OCA2: variants seen among roughly 807,000 people sequenced by gnomAD.
The protein encoded by OCA2 is OCA2 melanosomal transmembrane protein.
OCA2 carries 77 observed loss-of-function variants against 100.2 expected under a neutral mutation model. The observed-to-expected ratio is 0.77, with a 90% confidence interval of 0.64 to 0.93. The LOEUF (loss-of-function observed/expected upper bound fraction) is 0.93, where lower values mean the gene tolerates loss of function less well. OCA2 is among the 40% of genes least tolerant of loss of function. OCA2 has a pLI of 0.00. For missense variants in OCA2, 1,062 were observed against 1,089.1 expected (o/e 0.98, Z 0.35); for synonymous variants, 432 against 439.2 (o/e 0.98, Z 0.21).
intron 19 of OCA2, among the ~76,000 whole-genome samples, chr15:27,919,854 T>C (rs1265837230): frequency 2.0e-5 from 3 of 152,108 alleles, no homozygotes; most frequent in South Asian, 2.1e-4. Flanking sequence ...AAGTTGATAA[T>C]GGGGGAAGCT....
At chr15:27,976,625 A>G (rs1440639485) in intron 14 of OCA2, among the ~76,000 whole-genome samples, 1 of 152,152 alleles carries the variant, frequency 6.6e-6, no homozygotes, top group African/African-American at 2.4e-5. Context: ...TGTATTACCT[A>G]TTTAGATATT....
chr15:28,038,876 T>A lies in OCA2; in HGVS notation c.228-6713A>T, dbSNP rs139471385. 6.6e-4 allele frequency among the ~76,000 whole-genome samples: 100 copies of A among 152,288 alleles called. 1 individual carries two copies. In the East Asian group the frequency reaches 0.015, roughly 23 times the overall value. The stretch of plus-strand genomic sequence containing the variant: ...AATCAAAAGGCAAAGAGTGGCAGAA[T>A]GGATTTTAAAACACACACACATACA... On this transcript the variant is annotated intron_variant, in intron 2 of 23. Transcript: ENST00000354638.
chr15:27,872,539 C>A (rs1300008787), intron 19 of OCA2, among the ~76,000 whole-genome samples: 1 of 152,198 alleles, frequency 6.6e-6, no homozygotes, highest in Non-Finnish European at 1.5e-5. Context: ...GACCGAGCCA[C>A]TGTGAGAGGT....
rs561753878 is a variant in OCA2, at chr15:28,024,295, G to A, written c.573+550C>T. ...TCTGTTCCCTACAAGGGCATCTCACGTTGGTTTGGCTCCAGAATGAGTCTG... is the reference window on the plus strand; with the variant it reads ...TCTGTTCCCTACAAGGGCATCTCACATTGGTTTGGCTCCAGAATGAGTCTG... On this transcript the variant is annotated intron_variant, in intron 5 of 23. Coordinates refer to ENST00000354638, the MANE Select transcript of OCA2 (RefSeq NM_000275.3). Among the ~76,000 whole-genome samples, 13 of 152,326 alleles carry A rather than the reference G, an allele frequency of 8.5e-5. No individual in the cohort carries two copies. In the South Asian group the frequency reaches 1.4e-3, roughly 17 times the overall value.
At chr15:27,895,887 A>G in intron 19 of OCA2, 1 of 578,312 alleles carries the variant, frequency 1.7e-6, no homozygotes, top group South Asian at 1.9e-5. Flanking sequence ...GATATTATTT[A>G]TCAGGTTGCT....
At chr15:27,740,915 C>T in the OCA2 span, among the ~76,000 whole-genome samples, 1 of 152,204 alleles carries the variant, frequency 6.6e-6, no homozygotes, top group Admixed American at 6.5e-5. Flanking sequence ...TCATCCATCC[C>T]ACCTAACTCC....
rs1220453744 is a variant in OCA2, at chr15:27,844,971, A to G, written c.2420T>C (p.Met807Thr). ...AEQHGYGFSF[M>T]EFFRLGFPMM... ...AATTTAAAAGTACCTGAAAAATTCC[A>G]TGAAGGAGAACCCATATCCATGCTG... is the stretch of plus-strand genomic sequence containing the variant. Residue 807 changes from methionine (M) to threonine (T), a missense_variant, in exon 23 of 24, where the codon ATG becomes ACG. Coordinates refer to ENST00000354638, the MANE Select transcript of OCA2 (RefSeq NM_000275.3). The G allele has an allele frequency of 6.2e-7, 1 of 1,612,734 alleles. No individual in the cohort carries two copies. The highest frequency in any genetic ancestry group is 8.5e-7 in the Non-Finnish European group (1 of 1,178,734).
intron 23 of OCA2, among the ~76,000 whole-genome samples, chr15:27,839,151 TAGAC>T (rs2035258083): frequency 2.0e-5 from 3 of 152,116 alleles, no homozygotes; most frequent in Non-Finnish European, 2.9e-5. Flanking sequence ...TCATTAAAGA[TAGAC>T]AAACAAGGTA....
rs958096458 is a variant in OCA2 at position 27,872,943 on chromosome 15, G to C, written c.2080-1021C>G. On this transcript the variant is annotated intron_variant, in intron 19 of 23. Coordinates refer to ENST00000354638, the MANE Select transcript of OCA2 (RefSeq NM_000275.3). ...GACCTCAGGTGATCTGCCTGCCTTGGCCTCCCAAAGTGCTGGGATTACAGG... is the reference window on the plus strand; with the variant it reads ...GACCTCAGGTGATCTGCCTGCCTTGCCCTCCCAAAGTGCTGGGATTACAGG... Among the ~76,000 whole-genome samples the C allele has an allele frequency of 5.9e-5, 9 of 152,270 alleles. No individual in the cohort carries two copies. In the South Asian group the frequency reaches 6.2e-4, roughly 11 times the overall value.
chr15:27,840,175 A>G (rs2035294210), intron 23 of OCA2, among the ~76,000 whole-genome samples: 1 of 152,188 alleles, frequency 6.6e-6, no homozygotes, highest in African/African-American at 2.4e-5. Context: ...AAACTAAAGA[A>G]CAGCAAAGTA....
intron 21 of OCA2, among the ~76,000 whole-genome samples, chr15:27,866,527 T>C (rs2036331147): frequency 6.6e-6 from 1 of 152,236 alleles, no homozygotes; most frequent in East Asian, 1.9e-4. Flanking sequence ...ACTTTCCTAT[T>C]CATCTGCAAA....
intron 15 of OCA2, among the ~76,000 whole-genome samples, chr15:27,966,157 G>A (rs573052492): frequency 6.6e-6 from 1 of 152,192 alleles, no homozygotes; most frequent in African/African-American, 2.4e-5. Flanking sequence ...TTTTAGTAGA[G>A]ACGGGGTTTC....
Position 27,787,546 on chromosome 15 carries a change from C to T in OCA2, c.2433-32074G>A, listed in dbSNP as rs143053916. Among the ~76,000 whole-genome samples the T allele has an allele frequency of 7.2e-5, 11 of 151,982 alleles. No individual in the cohort carries two copies. The East Asian group carries it at 1.7e-3, about 24-fold the overall frequency. ...TTTGTTAGCGTAACATTGTTCAGAG[C>T]GTTCTTTTATAATACTTATAACTTT... On this transcript the variant is annotated intron_variant, in intron 23 of 23. Coordinates refer to ENST00000354638, the MANE Select transcript of OCA2 (RefSeq NM_000275.3).
intron 7 of OCA2, among the ~76,000 whole-genome samples, chr15:28,017,967 C>A (rs1416911701): frequency 1.3e-5 from 2 of 152,082 alleles, no homozygotes; most frequent in East Asian, 3.9e-4. Flanking sequence ...TGAGCACAGG[C>A]CTACACAGAT....
In OCA2 at chr15:27,990,611, G is replaced by C. The variant is rs769767739; in HGVS notation, c.1081C>G (p.Leu361Val). ...HRTLAAMLGS[L>V]AALAALAVIG... ...ACAGCCAGTGCTGCCAGTGCTGCAA[G>C]GGAACCCAGCATGGCCGCCAGAGTT... The change falls in exon 10 of 24, where the codon CTT becomes GTT. Residue 361 changes from leucine (L) to valine (V), a missense_variant. Leu to Val is a conservative substitution (Grantham distance 32). Transcript: ENST00000354638. The C allele has an allele frequency of 6.2e-6, 10 of 1,613,978 alleles. No individual in the cohort carries two copies. The highest frequency in any genetic ancestry group is 8.5e-6 in the Non-Finnish European group (10 of 1,180,036).
intron 21 of OCA2, among the ~76,000 whole-genome samples, chr15:27,870,814 GAGAGAGAAAGAAAGAA>G (rs2036533708): frequency 2.2e-5 from 3 of 137,858 alleles, no homozygotes; most frequent in South Asian, 2.2e-4. Flanking sequence ...GAAAGAAAGA[GAGAGAGAAAGAAAGAA>G]AGAGAAAGAA....
intron 17 of OCA2, among the ~76,000 whole-genome samples, chr15:27,953,526 A>G (rs115024393): frequency 0.01 from 1,535 of 152,316 alleles, 27 homozygotes; most frequent in African/African-American, 0.035. Flanking sequence ...AGTGATGCGG[A>G]TTCTCACCAG....
intron 9 of OCA2, among the ~76,000 whole-genome samples, chr15:28,001,844 G>A (rs11636259): frequency 0.6 from 91,465 of 152,084 alleles, 31,712 homozygotes; most frequent in Non-Finnish European, 0.79. Flanking sequence ...ATGCCCAGCC[G>A]GGCAGAGCTG....
chr15:28,004,817 T>C (rs1033152325), intron 9 of OCA2, among the ~76,000 whole-genome samples: 8 of 151,938 alleles, frequency 5.3e-5, no homozygotes, highest in Non-Finnish European at 2.9e-5. Context: ...ACTTAAACAG[T>C]AATACACATA....
Sources: allele counts gnomAD v4.1 joint callset (sites outside exome capture counted in the v4.1 genomes callset), GRCh38; gene constraint gnomAD v4.1.1; transcripts MANE v1.5; gene names NCBI Gene and HGNC (gene_info 2026-07-23, HGNC 2026-07-21).